SH2D4B: variants seen among roughly 807,000 people sequenced by gnomAD.
The protein encoded by SH2D4B is SH2 domain-containing protein 4B.
Under a neutral mutation model 61.5 loss-of-function variants are expected in SH2D4B, and 45 were observed. The ratio of observed to expected loss-of-function variants is 0.73; its 90% CI spans 0.58 to 0.94. The LOEUF is 0.94. Among genes scored for constraint, SH2D4B ranks in the 40% least tolerant of loss-of-function variants. The probability of loss-of-function intolerance (pLI) is 0.00; values close to 1 mark genes in which losing one functional copy is unlikely to be tolerated. For synonymous variants in SH2D4B, 224 were observed against 220.4 expected, an observed-to-expected ratio of 1.02 and a Z score of -0.14; for missense variants, 572 against 574.2, an observed-to-expected ratio of 1.00 and a Z score of 0.04.
rs372851999 is a variant in SH2D4B at position 80,570,518 on chromosome 10, C to A, written c.347+202C>A. On this transcript the variant is annotated intron_variant, in intron 2 of 7. Coordinates refer to ENST00000646907, the MANE Select transcript of SH2D4B (RefSeq NM_001388272.1). The stretch of plus-strand genomic sequence containing the variant: ...TATAGGCGTGAGCCACCACACCCAG[C>A]CTTAATGATGGTATTTTAATTGAAA... 1.3e-4 allele frequency among the ~76,000 whole-genome samples: 20 copies of A among 152,198 alleles called. No individual in the cohort carries two copies. The East Asian group carries it at 1.3e-3, about 10-fold the overall frequency.
At chr10:80,540,833 G>C in intron 1 of SH2D4B, 1 of 1,550,712 alleles carries the variant, frequency 6.4e-7, no homozygotes, top group Non-Finnish European at 8.7e-7. Flanking sequence ...CAGCCGTGCC[G>C]TGTCCCAGGG....
Position 80,538,709 on chromosome 10 carries a change from G to A in SH2D4B, c.184+194G>A, listed in dbSNP as rs72824337. ...CTTTTGGCCAGGACCTTAGGGCTTCGAGGCTGCTGCAGAGGCTGTCCAGCG... is the reference window on the plus strand; with the variant it reads ...CTTTTGGCCAGGACCTTAGGGCTTCAAGGCTGCTGCAGAGGCTGTCCAGCG... On this transcript the variant is annotated intron_variant, in intron 1 of 7. Transcript: ENST00000646907. The surrounding 1 kb of genome is among the most constrained non-coding windows in gnomAD (Gnocchi z 4.8). Among the ~76,000 whole-genome samples, 20,808 of 152,234 alleles carry A rather than the reference G, an allele frequency of 0.14. 1,500 individuals are homozygous for A. The highest frequency in any genetic ancestry group is 0.15 in the Non-Finnish European group (10,220 of 67,998).
At position 80,538,279 on chromosome 10, in the gene SH2D4B, GC is replaced by G; in HGVS notation, c.-50del. The G allele has an allele frequency of 7.8e-7, 1 of 1,286,984 alleles. No homozygotes were observed. The highest frequency in any genetic ancestry group is 9.9e-7 in the Non-Finnish European group (1 of 1,007,284). The allele number at this position is 1,286,984 out of a possible 1,614,324, so 79.7% of individuals were successfully genotyped here. On this transcript the variant is annotated 5_prime_UTR_variant, in exon 1 of 8. Coordinates refer to ENST00000646907, the MANE Select transcript of SH2D4B (RefSeq NM_001388272.1). This position sits in a 1 kb window ranked among gnomAD's most constrained non-coding sequence, Gnocchi z 4.8. ...AGCAGCCCCTCGGGCGTTCTGCCTG[GC>G]CCTGCTTCCCCTGCTGGCTGCCCTT...
At chr10:80,612,182 C>CTTTTTTTTTTTTTTTTT (rs796771295) in intron 6 of SH2D4B, among the ~76,000 whole-genome samples, 5 of 62,994 alleles carry the variant, frequency 7.9e-5, no homozygotes, top group Non-Finnish European at 6.2e-5. Flanking sequence ...CCCACTCCTG[C>CTTTTTTTTTTTTTTTTT]TTTTTTTTTT....
At chr10:80,601,189 C>T (rs1391084626) in intron 4 of SH2D4B, among the ~76,000 whole-genome samples, 1 of 152,306 alleles carries the variant, frequency 6.6e-6, no homozygotes, top group East Asian at 1.9e-4. Context: ...TCAGTTTTCT[C>T]TCTGGAATGG....
chr10:80,570,193 A>G lies in SH2D4B; in HGVS notation c.224A>G (p.Asp75Gly). The change falls in exon 2 of 8, where the codon GAT becomes GGT. Residue 75 changes from aspartate to glycine, a missense_variant. Physicochemically the swap from Asp to Gly is moderately conservative, Grantham distance 94. Coordinates refer to ENST00000646907, the MANE Select transcript of SH2D4B (RefSeq NM_001388272.1). ...DKHIQWLLGA[D>G]GEVWVWIMGE... ...CACATCCAATGGCTCCTAGGGGCAG[A>G]TGGCGAGGTCTGGGTCTGGATCATG... 1 of 1,614,178 alleles carries G rather than the reference A, an allele frequency of 6.2e-7. No individual in the cohort carries two copies. Among genetic ancestry groups the G allele is most frequent in the South Asian group, 1.1e-5 (1 of 91,082 alleles).
intron 3 of SH2D4B, among the ~76,000 whole-genome samples, chr10:80,585,158 G>A (rs1051993163): frequency 1.3e-5 from 2 of 152,014 alleles, no homozygotes; most frequent in African/African-American, 4.8e-5. Flanking sequence ...GGAAATTTAG[G>A]GACCCCAAAT....
At chr10:80,583,368 GAA>G (rs1332979406) in intron 3 of SH2D4B, among the ~76,000 whole-genome samples, 2 of 152,032 alleles carry the variant, frequency 1.3e-5, no homozygotes, top group African/African-American at 4.8e-5. Context: ...GGAAGTAGAA[GAA>G]AAAAGACAAC....
chr10:80,570,521 T>G (rs1480785287), intron 2 of SH2D4B, among the ~76,000 whole-genome samples: 2 of 152,204 alleles, frequency 1.3e-5, no homozygotes, highest in African/African-American at 2.4e-5. Context: ...CACCCAGCCT[T>G]AATGATGGTA....
At position 80,644,244 on chromosome 10, in the gene SH2D4B, G is replaced by A. The variant is rs185033889; in HGVS notation, c.*159G>A. 19 of 616,054 alleles carry A rather than the reference G, an allele frequency of 3.1e-5. No homozygotes were observed. In the African/African-American group the frequency reaches 3.3e-4, roughly 11 times the overall value. 38.2% of individuals were successfully genotyped at this position (616,054 alleles called of 1,614,324 possible). On this transcript the variant is annotated 3_prime_UTR_variant, in exon 8 of 8. Coordinates refer to ENST00000646907, the MANE Select transcript of SH2D4B (RefSeq NM_001388272.1). Reference sequence around the variant, plus strand: ...AAGGGATATGACATCTATGGCATAGGGCTACTGGTCTCATCCCAGCGATCG... The same window carrying A: ...AAGGGATATGACATCTATGGCATAGAGCTACTGGTCTCATCCCAGCGATCG...
At chr10:80,630,119 A>G (rs181670746) in intron 6 of SH2D4B, among the ~76,000 whole-genome samples, 1 of 147,374 alleles carries the variant, frequency 6.8e-6, no homozygotes, top group East Asian at 2.0e-4. Context: ...GGGAAGAAGG[A>G]TGATTGGTAA....
chr10:80,571,512 G>C lies in SH2D4B; in HGVS notation c.429G>C (p.Trp143Cys), dbSNP rs1564771384. Residue 143 changes from tryptophan to cysteine, a missense_variant, in exon 3 of 8, where the codon TGG becomes TGC. Transcript: ENST00000646907. ...NEKARILAEK[W>C]KVEMEDRKAA... is the part of the protein sequence containing the mutation. Reference sequence around the variant, plus strand: ...AAGCCCGGATCTTGGCGGAGAAGTGGAAAGTGGAGATGGAAGACCGCAAGG... The same window carrying C: ...AAGCCCGGATCTTGGCGGAGAAGTGCAAAGTGGAGATGGAAGACCGCAAGG... The C allele has an allele frequency of 6.2e-7, 1 of 1,614,150 alleles. No individual in the cohort carries two copies. The highest frequency in any genetic ancestry group is 8.5e-7 in the Non-Finnish European group (1 of 1,180,020).
chr10:80,638,210 C>A (rs1237852404), intron 7 of SH2D4B, among the ~76,000 whole-genome samples: 2 of 149,182 alleles, frequency 1.3e-5, no homozygotes, highest in East Asian at 2.0e-4. Flanking sequence ...GAGGATTTTC[C>A]CATCGATGTT....
Position 80,592,862 on chromosome 10 carries a change from T to C in SH2D4B, c.643+4085T>C, listed in dbSNP as rs528700137. Among the ~76,000 whole-genome samples the C allele has an allele frequency of 5.3e-5, 8 of 150,616 alleles. No homozygotes were observed. In the South Asian group the frequency reaches 6.3e-4, roughly 12 times the overall value. ...ATCCTGAGTAGCTGGACCACAGGCATGCACCACCATGCCTAGTTTTTTTTT... is the reference window on the plus strand; with the variant it reads ...ATCCTGAGTAGCTGGACCACAGGCACGCACCACCATGCCTAGTTTTTTTTT... On this transcript the variant is annotated intron_variant, in intron 4 of 7. Transcript: ENST00000646907.
At chr10:80,555,592 A>ATTT (rs1451007897) in intron 1 of SH2D4B, among the ~76,000 whole-genome samples, 2 of 152,148 alleles carry the variant, frequency 1.3e-5, no homozygotes, top group African/African-American at 4.8e-5. Context: ...CCTGTGAGTA[A>ATTT]AGAAGCTGAG....
At chr10:80,562,641 G>A (rs1300862206) in intron 1 of SH2D4B, among the ~76,000 whole-genome samples, 1 of 152,146 alleles carries the variant, frequency 6.6e-6, no homozygotes, top group African/African-American at 2.4e-5. Context: ...TATTTATCCA[G>A]TAGTGGGATA....
intron 1 of SH2D4B, among the ~76,000 whole-genome samples, chr10:80,548,685 G>A (rs1206394190): frequency 6.6e-6 from 1 of 152,184 alleles, no homozygotes; most frequent in African/African-American, 2.4e-5. Flanking sequence ...GTACCTAAGA[G>A]CCAGGTCATG....
chr10:80,599,153 C>T (rs1256025021), intron 4 of SH2D4B, among the ~76,000 whole-genome samples: 1 of 151,968 alleles, frequency 6.6e-6, no homozygotes, highest in Non-Finnish European at 1.5e-5. Flanking sequence ...GCACCAGAGT[C>T]GGGGTCAGTG....
chr10:80,617,117 G>A (rs1254034203), intron 6 of SH2D4B, among the ~76,000 whole-genome samples: 4 of 152,272 alleles, frequency 2.6e-5, no homozygotes, highest in African/African-American at 9.6e-5. Flanking sequence ...CTGTGATGCA[G>A]TGCAGCCTTG....
Sources: gnomAD v4.1 joint callset for allele counts (sites outside exome capture counted in the v4.1 genomes callset) on GRCh38, gnomAD v4.1.1 for gene constraint, Gnocchi (gnomAD v3.1) non-coding constraint, MANE v1.5 for transcripts, NCBI Gene and HGNC (gene_info 2026-07-23, HGNC 2026-07-21) for gene names.